TRPA1: variants seen among roughly 807,000 people sequenced by gnomAD.
TRPA1 encodes transient receptor potential cation channel subfamily A member 1, also known as ankyrin-like with transmembrane domains 1.
Under a neutral mutation model 131.3 loss-of-function variants are expected in TRPA1, and 129 were observed. That is an observed-to-expected ratio of 0.98 (90% CI 0.85 to 1.14). TRPA1 has a LOEUF of 1.14. TRPA1 is among the 50% of genes most tolerant of loss of function. TRPA1 has a pLI of 0.00. For synonymous variants in TRPA1, 441 were observed against 451.7 expected (o/e 0.98, Z 0.30); for missense variants, 1,304 against 1,354.2 (o/e 0.96, Z 0.58).
chr8:72,057,516 T>C (rs1236860954), intron 9 of TRPA1, among the ~76,000 whole-genome samples: 1 of 152,234 alleles, frequency 6.6e-6, no homozygotes, highest in East Asian at 1.9e-4. Flanking sequence ...ATTATCTTTT[T>C]AAGTATGCTC....
chr8:72,065,695 T>C (rs1242582194), intron 3 of TRPA1, 137 bp from the exon 4 acceptor site: 1 of 694,022 alleles, frequency 1.4e-6, no homozygotes, highest in African/African-American at 1.8e-5. Flanking sequence ...TCACACAATC[T>C]GGCACAAAAT....
In TRPA1 at chr8:72,071,721, G is replaced by C. The variant is rs766687737; in HGVS notation, c.258C>G (p.Ser86=). The C allele has an allele frequency of 1.9e-6, 3 of 1,613,690 alleles. No individual in the cohort carries two copies. The highest frequency in any genetic ancestry group is 2.5e-6 in the Non-Finnish European group (3 of 1,179,802). ...GTAATATTTTGTTACCTTCCAAAGAGGAATCTCTGGTGATCTTCTCCATTA... is the reference window on the plus strand; with the variant it reads ...GTAATATTTTGTTACCTTCCAAAGACGAATCTCTGGTGATCTTCTCCATTA... ...IELMEKITRD[S]SLEVLHEMDD... is the part of the protein sequence containing the mutation. The change falls in exon 2 of 27, where the codon TCC becomes TCG. Residue 86 remains serine, a synonymous_variant. Transcript: ENST00000262209.
At chr8:72,068,134 G>T (rs1805974476) in intron 3 of TRPA1, among the ~76,000 whole-genome samples, 1 of 152,238 alleles carries the variant, frequency 6.6e-6, no homozygotes, top group African/African-American at 2.4e-5. Flanking sequence ...ACTTAAAGGA[G>T]CCAAAGCCTC....
Position 72,057,793 on chromosome 8 carries a change from AT to A in TRPA1, c.1016del (p.Asp339ValfsTer10). 1.2e-6 allele frequency: 2 copies of A among 1,613,770 alleles called. No homozygotes were observed. Among genetic ancestry groups the A allele is most frequent in the Non-Finnish European group, 1.7e-6 (2 of 1,179,762 alleles). On this transcript the variant is annotated frameshift_variant, in exon 9 of 27. Coordinates refer to ENST00000262209, the MANE Select transcript of TRPA1 (RefSeq NM_007332.3). LOFTEE classifies it high-confidence loss of function. ...ISVGADINKIDSEGRSPLILA... is the reference protein window; with the variant it reads ...ISVGADINKIXSEGRSPLILA... ...ATATAAGTGGAGAGCGTCCTTCAGA[AT>A]CGATCTTATTAATATCTGCTCCCTA...
intron 25 of TRPA1, among the ~76,000 whole-genome samples, chr8:72,025,105 CGTGTGTGTGTGTGT>C (rs71265963): frequency 2.5e-5 from 3 of 120,224 alleles, no homozygotes; most frequent in East Asian, 8.0e-4. Context: ...TGTGTGTGTT[CGTGTGTGTGTGTGT>C]GTGTGTGTGT....
the TRPA1 span, among the ~76,000 whole-genome samples, chr8:72,086,813 T>C: frequency 6.6e-6 from 1 of 152,222 alleles, no homozygotes; most frequent in African/African-American, 2.4e-5. Context: ...ATTATCTTTC[T>C]TTGGCTTTGG....
chr8:72,082,204 T>C, the TRPA1 span, among the ~76,000 whole-genome samples: 2 of 152,024 alleles, frequency 1.3e-5, no homozygotes, highest in Non-Finnish European at 2.9e-5. Context: ...TTTAGATTAA[T>C]ACTTGTTTAA....
Position 72,032,841 on chromosome 8 carries a change from G to T in TRPA1, c.2868+803C>A, listed in dbSNP as rs1199604658. On this transcript the variant is annotated intron_variant, in intron 23 of 26. Transcript: ENST00000262209. ...ATTTTTTTTCCTTTCCAAAAGCACT[G>T]CCTAGTACAGTCTCTGGTACATAGT... Among the ~76,000 whole-genome samples, 3 of 152,134 alleles carry T rather than the reference G, an allele frequency of 2.0e-5. No individual in the cohort carries two copies. In the East Asian group the frequency reaches 5.8e-4, roughly 29 times the overall value.
Position 72,026,135 on chromosome 8 carries a change from C to T in TRPA1, c.2938-62G>A. The stretch of plus-strand genomic sequence containing the variant: ...GTTAGTATATGGAATTTTTATATGG[C>T]ACAGAGGCAATCATTAATACAGCAA... On this transcript the variant is annotated intron_variant, in intron 24 of 26. Transcript: ENST00000262209. 9 of 1,249,618 alleles carry T rather than the reference C, an allele frequency of 7.2e-6. No individual in the cohort carries two copies. The Admixed American group carries it at 1.4e-4, about 19-fold the overall frequency. 77.4% of individuals were successfully genotyped at this position (1,249,618 alleles called of 1,614,324 possible).
intron 2 of TRPA1, among the ~76,000 whole-genome samples, chr8:72,069,791 G>GGAGA (rs139984689): frequency 6.7e-6 from 1 of 150,138 alleles, no homozygotes; most frequent in South Asian, 2.1e-4. Context: ...ACACACACAG[G>GGAGA]GAGAGAGAGA....
rs143559181 is a variant in TRPA1 at position 72,023,115 on chromosome 8, G to T, written c.3151C>A (p.Leu1051Met). ...EMEILKQKYRLKDLTFLLEKQ... is the reference protein window; with the variant it reads ...EMEILKQKYRMKDLTFLLEKQ... ...TCCAGGAGAAAAGTAAGATCCTTCA[G>T]CCTAAAAGGACATACACATTTCATG... The change falls in exon 27 of 27, where the codon CTG (leucine) becomes ATG (methionine). Residue 1051 changes from leucine to methionine, a missense_variant and splice_region_variant. Coordinates refer to ENST00000262209, the MANE Select transcript of TRPA1 (RefSeq NM_007332.3). 8 of 1,612,404 alleles carry T rather than the reference G, an allele frequency of 5.0e-6. No homozygotes were observed. The highest frequency in any genetic ancestry group is 6.8e-6 in the Non-Finnish European group (8 of 1,179,502).
intron 3 of TRPA1, among the ~76,000 whole-genome samples, chr8:72,068,153 G>A (rs1027784012): frequency 6.6e-6 from 1 of 152,336 alleles, no homozygotes; most frequent in South Asian, 2.1e-4. Flanking sequence ...TCAGAGGGCT[G>A]AGAGAAAGTT....
At position 72,046,578 on chromosome 8, in the gene TRPA1, G is replaced by A. The variant is rs763236058; in HGVS notation, c.1996C>T (p.Pro666Ser). 2.5e-6 allele frequency: 4 copies of A among 1,594,282 alleles called. No individual in the cohort carries two copies. In the Admixed American group the frequency reaches 6.7e-5, roughly 27 times the overall value. ...IEYNFKYLQC[P>S]LEFTKKTPTQ... Reference sequence around the variant, plus strand: ...GGTGTTTTTTTGGTGAATTCTAATGGACATTGAAGATATTTGAAATTATAC... The same window carrying A: ...GGTGTTTTTTTGGTGAATTCTAATGAACATTGAAGATATTTGAAATTATAC... Residue 666 changes from proline to serine, a missense_variant, in exon 17 of 27, where the codon CCA (proline) becomes TCA (serine). Transcript: ENST00000262209.
intron 9 of TRPA1, 139 bp from the exon 10 acceptor site, chr8:72,057,156 G>A (rs1805689034): frequency 4.4e-6 from 3 of 680,204 alleles, no homozygotes; most frequent in African/African-American, 3.6e-5. Context: ...GTTTAGATGA[G>A]AAAACTAAAC....
chr8:72,025,845 G>A (rs1367229949), intron 25 of TRPA1, 115 bp downstream of exon 25: 2 of 868,702 alleles, frequency 2.3e-6, no homozygotes, highest in Non-Finnish European at 3.8e-6. Context: ...CAACTCCTCT[G>A]CCCACAGGCA....
chr8:72,082,566 G>A, the TRPA1 span, among the ~76,000 whole-genome samples: 1 of 151,836 alleles, frequency 6.6e-6, no homozygotes. Context: ...AATAAAATAA[G>A]GAATACTTTT....
At position 72,021,686 on chromosome 8, in the gene TRPA1, C is replaced by T. The variant is rs1182677391; in HGVS notation, c.*1220G>A. 2 of 151,244 alleles carry T rather than the reference C, an allele frequency of 1.3e-5. No homozygotes were observed. The highest frequency in any genetic ancestry group is 4.9e-5 in the African/African-American group (2 of 41,146). 9.4% of individuals were successfully genotyped at this position (151,244 alleles called of 1,614,324 possible). ...CCAAGCTGTCCATCTCTAGAAAAGT[C>T]CAGTGTGGTGGGTGGGTGGGTGCAC... On this transcript the variant is annotated 3_prime_UTR_variant, in exon 27 of 27. Coordinates refer to ENST00000262209, the MANE Select transcript of TRPA1 (RefSeq NM_007332.3).
chr8:72,022,804 C>T lies in TRPA1; in HGVS notation c.*102G>A, dbSNP rs10085964. On this transcript the variant is annotated 3_prime_UTR_variant, in exon 27 of 27. Transcript: ENST00000262209. ...GCAGGAACCATGATTTCACACGCAG[C>T]AAAATGAATCATTCTGCTTCTTCCT... 553,040 of 1,123,152 alleles carry T rather than the reference C, an allele frequency of 0.49. 138,774 individuals carry two copies. Among genetic ancestry groups the T allele is most frequent in the East Asian group, 0.79 (32,217 of 40,692 alleles). The allele number at this position is 1,123,152 out of a possible 1,614,324, so 69.6% of individuals were successfully genotyped here. A position where few individuals can be genotyped will look rare whatever the true frequency, so the allele number is the denominator to read the frequency against.
At position 72,039,761 on chromosome 8, in the gene TRPA1, G is replaced by T. The variant is rs748007122; in HGVS notation, c.2098C>A (p.His700Asn). The change falls in exon 18 of 27, where the codon CAT becomes AAT. Residue 700 changes from histidine (H) to asparagine (N), a missense_variant. Transcript: ENST00000262209. ...VQNNRIELLN[H>N]PVCKEYLLMK... ...AGTAAATATTCTTTACACACAGGAT[G>T]ATTGAGAAGCTCTATGCGGTTATTT... 3 of 1,610,238 alleles carry T rather than the reference G, an allele frequency of 1.9e-6. 1 individual carries two copies. The Admixed American group carries it at 5.0e-5, about 27-fold the overall frequency.
Sources: gnomAD v4.1 joint callset for allele counts (sites outside exome capture counted in the v4.1 genomes callset) on GRCh38, gnomAD v4.1.1 for gene constraint, MANE v1.5 for transcripts, NCBI Gene and HGNC (gene_info 2026-07-23, HGNC 2026-07-21) for gene names.